OXR1: variants seen among roughly 807,000 people sequenced by gnomAD.
OXR1 encodes oxidation resistance protein 1.
OXR1 carries 41 observed loss-of-function variants against 104.6 expected under a neutral mutation model. The observed-to-expected ratio is 0.39, with a 90% CI of 0.31 to 0.51. The LOEUF (loss-of-function observed/expected upper bound fraction) is 0.51, where lower values mean the gene tolerates loss of function less well. Ranked by LOEUF, OXR1 falls within the 20% of genes least tolerant of loss-of-function variation. The probability of loss-of-function intolerance (pLI) is 0.77; values close to 1 mark genes in which losing one functional copy is unlikely to be tolerated. For missense variants in OXR1, 955 were observed against 1,031.9 expected (o/e 0.93, Z 1.02); for synonymous variants, 348 against 348.4 (o/e 1.00, Z 0.01).
intron 2 of OXR1, among the ~76,000 whole-genome samples, chr8:106,425,588 A>T (rs918215545): frequency 1.3e-5 from 2 of 152,146 alleles, no homozygotes; most frequent in Non-Finnish European, 2.9e-5. Flanking sequence ...GGTAAAAGGG[A>T]CACACCATCT....
At chr8:106,370,792 G>T (rs1035702142) in intron 2 of OXR1, among the ~76,000 whole-genome samples, 1 of 152,094 alleles carries the variant, frequency 6.6e-6, no homozygotes, top group Non-Finnish European at 1.5e-5. Context: ...TGCTGGATTT[G>T]GTTTGCTAGT....
chr8:106,578,371 G>C (rs923331160), intron 3 of OXR1, among the ~76,000 whole-genome samples: 1 of 152,170 alleles, frequency 6.6e-6, no homozygotes, highest in Admixed American at 6.5e-5. Flanking sequence ...GATTGATACA[G>C]TAGAGTTTTT....
At chr8:106,397,680 C>G (rs921397054) in intron 2 of OXR1, among the ~76,000 whole-genome samples, 2 of 151,982 alleles carry the variant, frequency 1.3e-5, no homozygotes, top group Non-Finnish European at 1.5e-5. Flanking sequence ...GGTTTTACCT[C>G]AACTTTTTTT....
rs1384946251 is a variant in OXR1 at position 106,465,598 on chromosome 8, C to T, written c.24-53345C>T. Among the ~76,000 whole-genome samples the T allele has an allele frequency of 2.6e-5, 4 of 151,820 alleles. No homozygotes were observed. The East Asian group carries it at 7.8e-4, about 29-fold the overall frequency. On this transcript the variant is annotated intron_variant, in intron 2 of 16. Transcript: ENST00000517566. ...TGGTAGTGGGAGGATGAGAAGTCGT[C>T]AAATTATTGATAAATTTTGAAAGTA...
intron 3 of OXR1, among the ~76,000 whole-genome samples, chr8:106,604,165 T>C (rs893099928): frequency 4.6e-5 from 7 of 152,190 alleles, no homozygotes; most frequent in Admixed American, 4.6e-4. Context: ...CTGTGTGCCA[T>C]AGCACTTGGC....
At chr8:106,338,299 G>T (rs1477569163) in intron 1 of OXR1, among the ~76,000 whole-genome samples, 1 of 152,074 alleles carries the variant, frequency 6.6e-6, no homozygotes, top group East Asian at 1.9e-4. Flanking sequence ...TCTAGGGCTG[G>T]GCGTGGTGGC....
chr8:106,630,065 A>AGGGAGATTGTGGCTTAGCTTTCTCT (rs1458395281), intron 3 of OXR1, among the ~76,000 whole-genome samples: 1 of 152,174 alleles, frequency 6.6e-6, no homozygotes. Flanking sequence ...TTCTTTATAT[A>AGGGAGATTGTGGCTTAGCTTTCTCT]GGGAGATTGT....
chr8:106,348,893 T>C (rs1815607873), intron 1 of OXR1, among the ~76,000 whole-genome samples: 1 of 152,116 alleles, frequency 6.6e-6, no homozygotes, highest in Non-Finnish European at 1.5e-5. Flanking sequence ...CCAAGCGTAA[T>C]AGTTAGGTTG....
At chr8:106,704,589 G>C (rs920676285) in intron 8 of OXR1, among the ~76,000 whole-genome samples, 3 of 151,358 alleles carry the variant, frequency 2.0e-5, no homozygotes, top group Non-Finnish European at 4.4e-5. Flanking sequence ...GTAGAGACGG[G>C]GTTTCATCAT....
chr8:106,518,928 C>A lies in OXR1; in HGVS notation c.24-15C>A, dbSNP rs778802373. The A allele has an allele frequency of 1.6e-5, 25 of 1,535,534 alleles. No individual in the cohort carries two copies. Among genetic ancestry groups the A allele is most frequent in the Non-Finnish European group, 1.8e-5 (21 of 1,136,196 alleles). ...AGAATCAGGATTCATAGCATGTGGTCTTCTTTACTTGTAGGCTGAAGAAAA... is the reference window on the plus strand; with the variant it reads ...AGAATCAGGATTCATAGCATGTGGTATTCTTTACTTGTAGGCTGAAGAAAA... On this transcript the variant is annotated splice_polypyrimidine_tract_variant and intron_variant, in intron 2 of 16. Coordinates refer to ENST00000517566, the MANE Select transcript of OXR1 (RefSeq NM_001198533.2).
chr8:106,641,725 A>G (rs1330746820), intron 3 of OXR1, among the ~76,000 whole-genome samples: 11 of 152,190 alleles, frequency 7.2e-5, no homozygotes, highest in Non-Finnish European at 2.9e-5. Context: ...CTTAGAAGAA[A>G]CAAAAGAGGA....
At chr8:106,486,547 GTTTTGTGAAT>G (rs1349358688) in intron 2 of OXR1, among the ~76,000 whole-genome samples, 2 of 151,974 alleles carry the variant, frequency 1.3e-5, no homozygotes, top group Non-Finnish European at 2.9e-5. Context: ...AATACTGGTC[GTTTTGTGAAT>G]TTTTAACAAT....
At chr8:106,679,985 A>G (rs1827990238) in intron 4 of OXR1, among the ~76,000 whole-genome samples, 1 of 152,112 alleles carries the variant, frequency 6.6e-6, no homozygotes, top group South Asian at 2.1e-4. Flanking sequence ...TTTCTAACAT[A>G]ACTGTATTAA....
At chr8:106,370,739 G>A (rs1316559114) in intron 2 of OXR1, among the ~76,000 whole-genome samples, 1 of 152,184 alleles carries the variant, frequency 6.6e-6, no homozygotes, top group African/African-American at 2.4e-5. Flanking sequence ...GCTTCCAAGG[G>A]ATGAACCCAA....
At chr8:106,690,225 T>G (rs1829142215) in intron 6 of OXR1, among the ~76,000 whole-genome samples, 1 of 150,816 alleles carries the variant, frequency 6.6e-6, no homozygotes, top group Non-Finnish European at 1.5e-5. Context: ...TGTAAGCTTA[T>G]GTATTATAAT....
chr8:106,597,089 A>G (rs1406733129), intron 3 of OXR1, among the ~76,000 whole-genome samples: 1 of 152,178 alleles, frequency 6.6e-6, no homozygotes, highest in African/African-American at 2.4e-5. Context: ...AGTACGTGGT[A>G]TGTACACCTC....
intron 1 of OXR1, among the ~76,000 whole-genome samples, chr8:106,312,269 A>T (rs955471935): frequency 6.6e-6 from 1 of 152,216 alleles, no homozygotes; most frequent in East Asian, 1.9e-4. Context: ...TAAACAGCCA[A>T]GTTCAATCTC....
chr8:106,673,767 G>A (rs1827281158), intron 3 of OXR1, among the ~76,000 whole-genome samples: 1 of 152,178 alleles, frequency 6.6e-6, no homozygotes, highest in African/African-American at 2.4e-5. Flanking sequence ...CTGAATCCCA[G>A]CTGTGGCTAA....
At chr8:106,551,049 C>A (rs1219333219) in intron 3 of OXR1, among the ~76,000 whole-genome samples, 1 of 152,104 alleles carries the variant, frequency 6.6e-6, no homozygotes, top group Non-Finnish European at 1.5e-5. Context: ...ACTCCCAGTC[C>A]CAAATAAATC....
Sources: allele counts gnomAD v4.1 joint callset (sites outside exome capture counted in the v4.1 genomes callset), GRCh38; gene constraint gnomAD v4.1.1; transcripts MANE v1.5; gene names NCBI Gene and HGNC (gene_info 2026-07-23, HGNC 2026-07-21).